USH2A: variants seen among roughly 807,000 people sequenced by gnomAD.
USH2A encodes the protein usherin, also known as Usher syndrome 2A (autosomal recessive, mild).
Under a neutral mutation model 538.9 loss-of-function variants are expected in USH2A, and 443 were observed. The ratio of observed to expected loss-of-function variants is 0.82; its 90% CI spans 0.76 to 0.89. The LOEUF is 0.89. Ranked by LOEUF, USH2A falls within the 40% of genes least tolerant of loss-of-function variation. The probability of loss-of-function intolerance (pLI) is 0.00; values close to 1 mark genes in which losing one functional copy is unlikely to be tolerated. For missense variants in USH2A, 6,633 were observed against 6,324.8 expected (o/e 1.05, Z -1.65); for synonymous variants, 2,413 against 2,273.5 (o/e 1.06, Z -1.75).
At position 215,856,832 on chromosome 1, in the gene USH2A, G is replaced by GGTGTGT. The variant is rs71159889; in HGVS notation, c.8845+10169_8845+10174dup. ...AATCAATGAGTGGATAAAAAAATTT[G>GGTGTGT]GTGTGTGTGTGTGTGTGTGTGTGTG... is the stretch of plus-strand genomic sequence containing the variant. On this transcript the variant is annotated intron_variant, in intron 44 of 71. Coordinates refer to ENST00000307340, the MANE Select transcript of USH2A (RefSeq NM_206933.4). 7.0e-3 allele frequency among the ~76,000 whole-genome samples: 994 copies of GGTGTGT among 141,988 alleles called. 16 individuals are homozygous for GGTGTGT. The highest frequency in any genetic ancestry group is 0.03 in the South Asian group (124 of 4,134). The allele number at this position is 141,988 out of a possible 152,430, so 93.1% of individuals were successfully genotyped here.
At chr1:216,349,672 A>G (rs1421876631) in intron 4 of USH2A, among the ~76,000 whole-genome samples, 1 of 152,164 alleles carries the variant, frequency 6.6e-6, no homozygotes, top group Non-Finnish European at 1.5e-5. Context: ...GGGATCCTCA[A>G]TTCTGGGAAT....
chr1:215,941,484 G>A (rs503150), intron 37 of USH2A, among the ~76,000 whole-genome samples: 126,099 of 152,052 alleles, frequency 0.83, 52,625 homozygotes, highest in East Asian at 0.98. Flanking sequence ...CTTTTTTCCA[G>A]CTGAACAAAC....
At chr1:215,959,324 T>C (rs922461152) in intron 37 of USH2A, among the ~76,000 whole-genome samples, 1 of 152,142 alleles carries the variant, frequency 6.6e-6, no homozygotes, top group Non-Finnish European at 1.5e-5. Context: ...TCAGGTCTTA[T>C]AAGCAAATAA....
At chr1:216,237,996 T>A (rs2035863057) in intron 13 of USH2A, among the ~76,000 whole-genome samples, 1 of 152,190 alleles carries the variant, frequency 6.6e-6, no homozygotes, top group Non-Finnish European at 1.5e-5. Flanking sequence ...TAATTGGATA[T>A]CAACTTTGAT....
chr1:216,365,337 A>G lies in USH2A; in HGVS notation c.652-252T>C, dbSNP rs543598765. 2.6e-5 allele frequency among the ~76,000 whole-genome samples: 4 copies of G among 152,250 alleles called. No homozygotes were observed. The South Asian group carries it at 8.3e-4, about 32-fold the overall frequency. ...AGGTATACATAATAGTTTGTCCCATACATGTAACAGCTCTGGTTGCCATGT... is the reference window on the plus strand; with the variant it reads ...AGGTATACATAATAGTTTGTCCCATGCATGTAACAGCTCTGGTTGCCATGT... On this transcript the variant is annotated intron_variant, in intron 3 of 71. Coordinates refer to ENST00000307340, the MANE Select transcript of USH2A (RefSeq NM_206933.4).
chr1:216,190,497 G>GT, intron 19 of USH2A, 130 bp from the exon 20 acceptor site: 51 of 1,203,590 alleles, frequency 4.2e-5, no homozygotes, highest in Non-Finnish European at 4.7e-5. Flanking sequence ...TTAGGAAAAG[G>GT]GTTTTTTTTT....
chr1:216,149,209 TTAA>T (rs1218139726), intron 21 of USH2A, among the ~76,000 whole-genome samples: 1 of 152,170 alleles, frequency 6.6e-6, no homozygotes. Context: ...TGCCGCTGCT[TTAA>T]TACTGTTAGA....
Position 216,403,234 on chromosome 1 carries a change from A to G in USH2A, c.651+15280T>C, listed in dbSNP as rs118092216. Among the ~76,000 whole-genome samples the G allele has an allele frequency of 3.4e-4, 52 of 152,222 alleles. No individual in the cohort carries two copies. In the East Asian group the frequency reaches 8.7e-3, roughly 25 times the overall value. On this transcript the variant is annotated intron_variant, in intron 3 of 71. Transcript: ENST00000307340. ...AAAATGCCTTGTGACAATATTTAATACTCAAAACTCCAAGAAATTAGGAAT... is the reference window on the plus strand; with the variant it reads ...AAAATGCCTTGTGACAATATTTAATGCTCAAAACTCCAAGAAATTAGGAAT...
At chr1:216,161,741 T>C (rs1405177557) in intron 21 of USH2A, among the ~76,000 whole-genome samples, 1 of 152,096 alleles carries the variant, frequency 6.6e-6, no homozygotes, top group Non-Finnish European at 1.5e-5. Flanking sequence ...AAGAAAAATA[T>C]TTTATTTTAT....
intron 60 of USH2A, among the ~76,000 whole-genome samples, chr1:215,740,891 C>G (rs1660281277): frequency 6.6e-6 from 1 of 152,118 alleles, no homozygotes. Context: ...ATGCGCAGTT[C>G]ACAATAGGGT....
At position 216,196,563 on chromosome 1, in the gene USH2A, G is replaced by A. The variant is rs374167211; in HGVS notation, c.4241C>T (p.Ala1414Val). The change falls in exon 19 of 72, where the codon GCG (alanine) becomes GTG (valine). Residue 1414 changes from alanine (A) to valine (V), a missense_variant. Transcript: ENST00000307340. ...EQSPQQSIPM[A>V]FSQLLHTAKS... ...TAAAAATAACAATACCTGTGAAAAC[G>A]CCATGGGAATAGACTGTTGAGGTGA... is the stretch of plus-strand genomic sequence containing the variant. The A allele has an allele frequency of 1.4e-5, 23 of 1,613,138 alleles. No individual in the cohort carries two copies. In the East Asian group the frequency reaches 3.8e-4, roughly 27 times the overall value.
intron 38 of USH2A, among the ~76,000 whole-genome samples, chr1:215,926,378 A>AGAAAAATAAGTTCG (rs1558165205): frequency 6.6e-6 from 1 of 152,102 alleles, no homozygotes; most frequent in Admixed American, 6.6e-5. Flanking sequence ...AAATAAGTTC[A>AGAAAAATAAGTTCG]CTGAGCAAGT....
intron 21 of USH2A, among the ~76,000 whole-genome samples, chr1:216,113,989 C>CT: frequency 6.6e-6 from 1 of 151,550 alleles, no homozygotes; most frequent in East Asian, 1.9e-4. Flanking sequence ...TACAAAATTG[C>CT]TTTTTTTAGT....
chr1:216,086,860 A>G (rs1558251810), intron 23 of USH2A, 40 bp from the exon 24 acceptor site: 5 of 1,497,622 alleles, frequency 3.3e-6, no homozygotes, highest in Non-Finnish European at 3.7e-6. Context: ...TCACCAGGAT[A>G]CTCTAGTTTT....
At chr1:216,407,483 G>A (rs532078694) in intron 3 of USH2A, among the ~76,000 whole-genome samples, 1 of 151,980 alleles carries the variant, frequency 6.6e-6, no homozygotes, top group Admixed American at 6.6e-5. Context: ...CCCTTATTAT[G>A]CATCCAGGAC....
intron 16 of USH2A, among the ~76,000 whole-genome samples, chr1:216,200,463 G>A (rs75276422): frequency 6.6e-6 from 1 of 152,252 alleles, no homozygotes; most frequent in Non-Finnish European, 1.5e-5. Context: ...TATGTAACTT[G>A]TTTGCTTGTT....
At chr1:216,062,619 C>A (rs949129528) in intron 30 of USH2A, among the ~76,000 whole-genome samples, 1 of 151,948 alleles carries the variant, frequency 6.6e-6, no homozygotes, top group Admixed American at 6.6e-5. Context: ...GTTTTCATCC[C>A]CAATTTATGA....
intron 20 of USH2A, among the ~76,000 whole-genome samples, chr1:216,180,893 C>T (rs770204086): frequency 3.9e-5 from 6 of 152,030 alleles, no homozygotes; most frequent in South Asian, 2.1e-4. Flanking sequence ...GGCACTGGAC[C>T]AGGACGCAAA....
intron 30 of USH2A, among the ~76,000 whole-genome samples, chr1:216,069,496 A>G (rs2031487597): frequency 6.6e-6 from 1 of 152,168 alleles, no homozygotes; most frequent in Admixed American, 6.6e-5. Flanking sequence ...CTCCCTTTAA[A>G]TGTGCTTTAA....
Sources: gnomAD v4.1 joint callset for allele counts (sites outside exome capture counted in the v4.1 genomes callset) on GRCh38, gnomAD v4.1.1 for gene constraint, MANE v1.5 for transcripts, NCBI Gene and HGNC (gene_info 2026-07-23, HGNC 2026-07-21) for gene names.